PLCL2: variants seen among roughly 807,000 people sequenced by gnomAD.
PLCL2 encodes the protein phospholipase C like 2.
PLCL2 carries 4 observed loss-of-function variants against 79.6 expected under a neutral mutation model. The ratio of observed to expected loss-of-function variants is 0.05; its 90% CI spans 0.02 to 0.11. The LOEUF (loss-of-function observed/expected upper bound fraction) is 0.11. Ranked by LOEUF, PLCL2 falls within the 10% of genes least tolerant of loss-of-function variation. The probability of loss-of-function intolerance (pLI) is 1.00; values close to 1 mark genes in which losing one functional copy is unlikely to be tolerated. For missense variants in PLCL2, 895 were observed against 1,291.0 expected (o/e 0.69, Z 4.70); for synonymous variants, 484 against 457.7 (o/e 1.06, Z -0.73).
At chr3:16,897,888 T>G (rs1165267434) in intron 1 of PLCL2, among the ~76,000 whole-genome samples, 3 of 152,280 alleles carry the variant, frequency 2.0e-5, no homozygotes, top group African/African-American at 7.2e-5. Flanking sequence ...TTTCAGTCGT[T>G]ACTTGTTTGT....
intron 4 of PLCL2, 46 bp downstream of exon 4, chr3:17,042,995 C>T: frequency 8.1e-7 from 1 of 1,239,338 alleles, no homozygotes; most frequent in Non-Finnish European, 1.2e-6. Context: ...TTAATAGCAT[C>T]ATATACTTTG....
intron 5 of PLCL2, among the ~76,000 whole-genome samples, chr3:17,068,553 A>G (rs957550118): frequency 2.6e-5 from 4 of 152,220 alleles, no homozygotes; most frequent in Admixed American, 2.0e-4. Context: ...ATTGAAAGAA[A>G]TATTTCTTGA....
intron 4 of PLCL2, among the ~76,000 whole-genome samples, chr3:17,058,400 G>C (rs1482667940): frequency 6.6e-6 from 1 of 152,152 alleles, no homozygotes; most frequent in African/African-American, 2.4e-5. Flanking sequence ...CATTCTGAAG[G>C]TTGTGCTAAC....
At chr3:17,073,693 A>G (rs575497590) in intron 5 of PLCL2, among the ~76,000 whole-genome samples, 26 of 152,202 alleles carry the variant, frequency 1.7e-4, no homozygotes, top group Non-Finnish European at 2.9e-4. Context: ...GTAATATTCT[A>G]ACTCCTTTGC....
chr3:16,901,307 C>T (rs1212837593), intron 1 of PLCL2, among the ~76,000 whole-genome samples: 5 of 152,332 alleles, frequency 3.3e-5, no homozygotes, highest in African/African-American at 1.2e-4. Flanking sequence ...GGGCCACATA[C>T]TGGAGCCATG....
At chr3:17,059,544 A>G (rs2064926558) in intron 4 of PLCL2, among the ~76,000 whole-genome samples, 1 of 151,872 alleles carries the variant, frequency 6.6e-6, no homozygotes, top group Non-Finnish European at 1.5e-5. Context: ...CTCCAGACAT[A>G]TATATACATA....
chr3:16,913,068 T>C (rs1391261866), intron 1 of PLCL2, among the ~76,000 whole-genome samples: 1 of 152,178 alleles, frequency 6.6e-6, no homozygotes, highest in Admixed American at 6.5e-5. Context: ...TCTCTCAACA[T>C]GTTCTATGAT....
chr3:17,075,859 CT>C (rs1450821745), intron 5 of PLCL2, among the ~76,000 whole-genome samples: 2 of 152,160 alleles, frequency 1.3e-5, no homozygotes, highest in Non-Finnish European at 2.9e-5. Flanking sequence ...TACTCCATTC[CT>C]TTTTATTGCT....
At chr3:17,064,481 C>T (rs552191456) in intron 4 of PLCL2, among the ~76,000 whole-genome samples, 1 of 152,168 alleles carries the variant, frequency 6.6e-6, no homozygotes, top group Non-Finnish European at 1.5e-5. Flanking sequence ...GTCTGCATTT[C>T]TTATATAGCG....
At chr3:16,997,026 GA>G (rs1261335038) in intron 1 of PLCL2, among the ~76,000 whole-genome samples, 1 of 151,964 alleles carries the variant, frequency 6.6e-6, no homozygotes, top group East Asian at 1.9e-4. Context: ...CTCAATTGAA[GA>G]AACAAAAAAA....
chr3:16,912,864 C>T (rs1395665840), intron 1 of PLCL2, among the ~76,000 whole-genome samples: 1 of 152,188 alleles, frequency 6.6e-6, no homozygotes, highest in Admixed American at 6.5e-5. Flanking sequence ...GGCCTCCTCC[C>T]ACCAGCTGAC....
At position 16,887,829 on chromosome 3, in the gene PLCL2, A is replaced by T. The variant is rs951709800; in HGVS notation, c.327+2463A>T. 1.3e-5 allele frequency among the ~76,000 whole-genome samples: 2 copies of T among 152,176 alleles called. No individual in the cohort carries two copies. The highest frequency in any genetic ancestry group is 4.8e-5 in the African/African-American group (2 of 41,444). On this transcript the variant is annotated intron_variant, in intron 1 of 5. Coordinates refer to ENST00000615277, the MANE Select transcript of PLCL2 (RefSeq NM_001144382.2). This position sits in a 1 kb window ranked among gnomAD's most constrained non-coding sequence, Gnocchi z 4.1. ...AAAAAGAATAAAAAGCTAAAGCAGAAGCCCATGTGAAAAAGCAATAGTGAC... is the reference window on the plus strand; with the variant it reads ...AAAAAGAATAAAAAGCTAAAGCAGATGCCCATGTGAAAAAGCAATAGTGAC...
At chr3:16,927,125 T>A (rs1697274973) in intron 1 of PLCL2, among the ~76,000 whole-genome samples, 1 of 152,238 alleles carries the variant, frequency 6.6e-6, no homozygotes, top group South Asian at 2.1e-4. Flanking sequence ...AGTGAAATGT[T>A]AAACAAAATC....
At chr3:16,923,661 A>T (rs1289730936) in intron 1 of PLCL2, among the ~76,000 whole-genome samples, 1 of 152,096 alleles carries the variant, frequency 6.6e-6, no homozygotes, top group Non-Finnish European at 1.5e-5. Flanking sequence ...TTCATTTGTC[A>T]TCAGATTTGG....
intron 3 of PLCL2, among the ~76,000 whole-genome samples, chr3:17,025,243 A>G (rs912561822): frequency 2.6e-5 from 4 of 152,230 alleles, no homozygotes; most frequent in Admixed American, 2.0e-4. Context: ...CCTTGGCTCT[A>G]TAAATGCAAG....
At chr3:16,956,641 T>C (rs1391011126) in intron 1 of PLCL2, among the ~76,000 whole-genome samples, 3 of 152,148 alleles carry the variant, frequency 2.0e-5, no homozygotes, top group Non-Finnish European at 4.4e-5. Flanking sequence ...AGAATTCGGC[T>C]GTGAATCCAT....
intron 4 of PLCL2, among the ~76,000 whole-genome samples, chr3:17,043,657 GT>G (rs1188293182): frequency 2.0e-5 from 3 of 151,090 alleles, no homozygotes; most frequent in African/African-American, 7.3e-5. Context: ...ACTTTCTAAG[GT>G]TTTTTTCGTT....
intron 3 of PLCL2, among the ~76,000 whole-genome samples, chr3:17,020,080 T>A (rs956842127): frequency 6.6e-6 from 1 of 152,180 alleles, no homozygotes; most frequent in Admixed American, 6.5e-5. Flanking sequence ...TTACTATTCT[T>A]TTTATGTTGA....
intron 5 of PLCL2, among the ~76,000 whole-genome samples, chr3:17,085,789 C>T (rs1006106903): frequency 6.0e-5 from 9 of 149,562 alleles, no homozygotes; most frequent in East Asian, 1.9e-4. Context: ...AAGTGGAATT[C>T]GAAATTAAAA....
Sources: gnomAD v4.1 joint callset for allele counts (sites outside exome capture counted in the v4.1 genomes callset) on GRCh38, gnomAD v4.1.1 for gene constraint, Gnocchi (gnomAD v3.1) non-coding constraint, MANE v1.5 for transcripts, NCBI Gene and HGNC (gene_info 2026-07-23, HGNC 2026-07-21) for gene names.